FHIP1A: variants seen among roughly 807,000 people sequenced by gnomAD.
FHIP1A encodes the protein FHF complex subunit HOOK-interacting protein 1A.
In FHIP1A, 61 loss-of-function variants were observed where a neutral mutation model predicts 88.6. The ratio of observed to expected loss-of-function variants is 0.69; its 90% CI spans 0.56 to 0.85. The LOEUF (loss-of-function observed/expected upper bound fraction) is 0.85. FHIP1A is among the 40% of genes least tolerant of loss of function. The probability of loss-of-function intolerance (pLI) is 0.00; values close to 1 mark genes in which losing one functional copy is unlikely to be tolerated. For missense variants in FHIP1A, 1,154 were observed against 1,273.5 expected (o/e 0.91, Z 1.43); for synonymous variants, 478 against 496.0 (o/e 0.96, Z 0.48).
intron 9 of FHIP1A, 79 bp from the exon 10 acceptor site, chr4:151,646,479 C>A: frequency 1.0e-6 from 1 of 962,376 alleles, no homozygotes; most frequent in Non-Finnish European, 1.6e-6. Context: ...CACAAGGAGT[C>A]CCTGTTATGG....
At chr4:151,590,226 T>G (rs147492418) in intron 7 of FHIP1A, among the ~76,000 whole-genome samples, 1,980 of 152,314 alleles carry the variant, frequency 0.013, 47 homozygotes, top group African/African-American at 0.044. Context: ...CCATATATGC[T>G]CTCACACATT....
intron 3 of FHIP1A, among the ~76,000 whole-genome samples, chr4:151,565,138 T>A (rs544756510): frequency 1.3e-5 from 2 of 152,304 alleles, no homozygotes; most frequent in Admixed American, 1.3e-4. Flanking sequence ...TCCAGGGTTC[T>A]GGTAGTTGTA....
intron 3 of FHIP1A, among the ~76,000 whole-genome samples, chr4:151,495,416 C>T (rs1730424869): frequency 6.6e-6 from 1 of 151,342 alleles, no homozygotes; most frequent in Admixed American, 6.6e-5. Context: ...GCACAAGAAT[C>T]GCTTGAACCT....
At chr4:151,533,814 A>G (rs941734868) in intron 3 of FHIP1A, among the ~76,000 whole-genome samples, 2 of 152,242 alleles carry the variant, frequency 1.3e-5, no homozygotes, top group Non-Finnish European at 2.9e-5. Flanking sequence ...ATTATGCACA[A>G]TCAACCGTGA....
At chr4:151,438,486 A>G (rs1201076018) in intron 1 of FHIP1A, among the ~76,000 whole-genome samples, 1 of 152,108 alleles carries the variant, frequency 6.6e-6, no homozygotes, top group Non-Finnish European at 1.5e-5. Context: ...CTGAAAACCA[A>G]AAGTATGGGA....
chr4:151,447,500 C>T (rs1728649333), intron 1 of FHIP1A, among the ~76,000 whole-genome samples: 1 of 152,198 alleles, frequency 6.6e-6, no homozygotes, highest in Non-Finnish European at 1.5e-5. Flanking sequence ...AATCACCATA[C>T]TTTTCCTGAC....
intron 1 of FHIP1A, among the ~76,000 whole-genome samples, chr4:151,418,014 C>G (rs1260868369): frequency 6.6e-6 from 1 of 151,346 alleles, no homozygotes; most frequent in African/African-American, 2.4e-5. Flanking sequence ...ACAGCAATAA[C>G]AACAAAAAAT....
intron 3 of FHIP1A, among the ~76,000 whole-genome samples, chr4:151,520,390 CTCTT>C (rs1446005443): frequency 2.0e-5 from 3 of 152,028 alleles, no homozygotes; most frequent in African/African-American, 7.2e-5. Flanking sequence ...GTTTCTGTGA[CTCTT>C]TCTGTTCTAT....
intron 7 of FHIP1A, among the ~76,000 whole-genome samples, chr4:151,622,835 T>C (rs947601483): frequency 6.6e-6 from 1 of 152,198 alleles, no homozygotes; most frequent in Non-Finnish European, 1.5e-5. Flanking sequence ...AGGACCATGC[T>C]ATGAATTACC....
chr4:151,604,627 T>C (rs1735000033), intron 7 of FHIP1A, among the ~76,000 whole-genome samples: 1 of 152,146 alleles, frequency 6.6e-6, no homozygotes, highest in Non-Finnish European at 1.5e-5. Context: ...GGAGGGCACA[T>C]CACCTGAGGT....
rs144758350 is a variant in FHIP1A at position 151,495,898 on chromosome 4, C to T, written c.-123+13250C>T. Among the ~76,000 whole-genome samples the T allele has an allele frequency of 8.0e-3, 1,225 of 152,234 alleles. 31 individuals carry two copies. In the East Asian group the frequency reaches 0.1, roughly 13 times the overall value. ...TTGGCCACCCAAAGTGCTGAGATTA[C>T]AGGCATGAGCCACTGTGCCTGGCCT... is the stretch of plus-strand genomic sequence containing the variant. On this transcript the variant is annotated intron_variant, in intron 3 of 13. Transcript: ENST00000435205.
chr4:151,416,716 G>A (rs570938720), intron 1 of FHIP1A, among the ~76,000 whole-genome samples: 1 of 152,080 alleles, frequency 6.6e-6, no homozygotes, highest in East Asian at 1.9e-4. Flanking sequence ...CTTAGGACAC[G>A]GGAAACTTAT....
chr4:151,440,121 C>T (rs562906133), intron 1 of FHIP1A, among the ~76,000 whole-genome samples: 10 of 152,198 alleles, frequency 6.6e-5, no homozygotes, highest in Non-Finnish European at 1.2e-4. Context: ...AGAATGAGTG[C>T]CAGCAGGGGA....
intron 3 of FHIP1A, among the ~76,000 whole-genome samples, chr4:151,502,637 C>T (rs994610144): frequency 6.6e-6 from 1 of 152,054 alleles, no homozygotes; most frequent in Admixed American, 6.5e-5. Flanking sequence ...ACCATCAAAC[C>T]TAAAACATGC....
chr4:151,418,310 G>T (rs185416938), intron 1 of FHIP1A, among the ~76,000 whole-genome samples: 1 of 151,830 alleles, frequency 6.6e-6, no homozygotes, highest in African/African-American at 2.4e-5. Flanking sequence ...TTTCTTATCA[G>T]CTTGATTAAG....
chr4:151,559,299 T>C (rs1733077573), intron 3 of FHIP1A, among the ~76,000 whole-genome samples: 1 of 152,218 alleles, frequency 6.6e-6, no homozygotes, highest in Admixed American at 6.5e-5. Flanking sequence ...GTTCTTTTGC[T>C]TTTATTTTGT....
chr4:151,485,652 C>T (rs1730057519), intron 3 of FHIP1A, among the ~76,000 whole-genome samples: 1 of 150,512 alleles, frequency 6.6e-6, no homozygotes, highest in South Asian at 2.1e-4. Flanking sequence ...AGTGCAGTGG[C>T]ACATTCTTGG....
At chr4:151,585,032 C>T (rs906204957) in intron 5 of FHIP1A, among the ~76,000 whole-genome samples, 3 of 152,022 alleles carry the variant, frequency 2.0e-5, no homozygotes, top group African/African-American at 4.8e-5. Context: ...TTTAATTGCC[C>T]GTTAATCTCT....
At chr4:151,483,854 C>T (rs981780844) in intron 3 of FHIP1A, among the ~76,000 whole-genome samples, 3 of 152,104 alleles carry the variant, frequency 2.0e-5, no homozygotes, top group African/African-American at 4.8e-5. Context: ...TTTATGTCCA[C>T]GTAGGACTTC....
Sources: gnomAD v4.1 joint callset for allele counts (sites outside exome capture counted in the v4.1 genomes callset) on GRCh38, gnomAD v4.1.1 for gene constraint, MANE v1.5 for transcripts, NCBI Gene and HGNC (gene_info 2026-07-23, HGNC 2026-07-21) for gene names.